PBK: variants seen among roughly 807,000 people sequenced by gnomAD.
PBK encodes lymphokine-activated killer T-cell-originated protein kinase.
A neutral mutation model predicts 33.5 loss-of-function variants in PBK; 22 were observed. The observed-to-expected ratio is 0.66, with a 90% CI of 0.47 to 0.94. The LOEUF (loss-of-function observed/expected upper bound fraction) is 0.94. PBK is among the 40% of genes least tolerant of loss of function. The pLI is 0.00. For synonymous variants in PBK, 129 were observed against 123.8 expected, an observed-to-expected ratio of 1.04 and a Z score of -0.28; for missense variants, 376 against 383.4, an observed-to-expected ratio of 0.98 and a Z score of 0.16.
chr8:27,833,140 T>G lies in PBK; in HGVS notation c.-20-7A>C, dbSNP rs372769127. On this transcript the variant is annotated splice_polypyrimidine_tract_variant and splice_region_variant and intron_variant, in intron 1 of 7. Coordinates refer to ENST00000301905, the MANE Select transcript of PBK (RefSeq NM_018492.4). ...GTGAAAGCCACTCTCAGTCCTACGA[T>G]GAAAACAAATTGCAAGTTACACAGC... 3.8e-5 allele frequency: 55 copies of G among 1,465,698 alleles called. No homozygotes were observed. In the African/African-American group the frequency reaches 6.4e-4, roughly 17 times the overall value. The allele number at this position is 1,465,698 out of a possible 1,614,324, so 90.8% of individuals were successfully genotyped here. A position where few individuals can be genotyped will look rare whatever the true frequency, so the allele number is the denominator to read the frequency against.
At position 27,833,093 on chromosome 8, in the gene PBK, G is replaced by C. The variant is rs1262932294; in HGVS notation, c.21C>G (p.Phe7Leu). MEGISN[F>L]KTPSKLSEKK... Reference sequence around the variant, plus strand: ...TTTCTGATAATTTGCTTGGTGTCTTGAAATTACTGATCCCTTCCATTGTGA... The same window carrying C: ...TTTCTGATAATTTGCTTGGTGTCTTCAAATTACTGATCCCTTCCATTGTGA... Residue 7 changes from phenylalanine (F) to leucine (L), a missense_variant, in exon 2 of 8, where the codon TTC (phenylalanine) becomes TTG (leucine). Transcript: ENST00000301905. 1.9e-6 allele frequency: 3 copies of C among 1,598,690 alleles called. No homozygotes were observed. Among genetic ancestry groups the C allele is most frequent in the Non-Finnish European group, 1.7e-6 (2 of 1,172,734 alleles).
intron 4 of PBK, 71 bp from the exon 5 acceptor site, chr8:27,822,559 G>GTGAT: frequency 2.0e-6 from 2 of 1,022,132 alleles, no homozygotes; most frequent in Non-Finnish European, 2.8e-6. Flanking sequence ...TTATAGTAAC[G>GTGAT]TGATTGAAAA....
At chr8:27,827,054 A>G (rs1806039863) in intron 3 of PBK, among the ~76,000 whole-genome samples, 1 of 152,224 alleles carries the variant, frequency 6.6e-6, no homozygotes, top group Admixed American at 6.5e-5. Flanking sequence ...TACCCATTGT[A>G]TATAATTACT....
chr8:27,832,196 TGA>T (rs1347310154), intron 2 of PBK, among the ~76,000 whole-genome samples: 1 of 152,066 alleles, frequency 6.6e-6, no homozygotes, highest in Non-Finnish European at 1.5e-5. Flanking sequence ...TTTACCACAT[TGA>T]GAGATTTTAA....
chr8:27,835,523 T>C (rs1203251048), intron 1 of PBK, among the ~76,000 whole-genome samples: 1 of 152,046 alleles, frequency 6.6e-6, no homozygotes, highest in African/African-American at 2.4e-5. Context: ...CATGGGATGC[T>C]GTGATGTGGC....
intron 5 of PBK, among the ~76,000 whole-genome samples, chr8:27,821,136 T>C (rs1437524153): frequency 6.6e-6 from 1 of 151,938 alleles, no homozygotes. Context: ...CATTTCAAAG[T>C]ATTTGAAACA....
At position 27,823,563 on chromosome 8, in the gene PBK, G is replaced by C. The variant is rs550132613; in HGVS notation, c.153-358C>G. 9.9e-5 allele frequency among the ~76,000 whole-genome samples: 15 copies of C among 152,016 alleles called. No homozygotes were observed. In the South Asian group the frequency reaches 2.9e-3, roughly 29 times the overall value. ...ATTTAATTATATGTATCAGAGATGA[G>C]TTATAGGATCCTGAAGAAAAAAACA... is the stretch of plus-strand genomic sequence containing the variant. On this transcript the variant is annotated intron_variant, in intron 3 of 7. Transcript: ENST00000301905.
chr8:27,810,588 A>G, intron 7 of PBK, 87 bp from the exon 8 acceptor site: 1 of 724,250 alleles, frequency 1.4e-6, no homozygotes, highest in Admixed American at 2.6e-5. Context: ...CTGAAACAAG[A>G]ATTTATGGTC....
chr8:27,827,206 G>A (rs180979523), intron 3 of PBK, among the ~76,000 whole-genome samples: 7 of 152,290 alleles, frequency 4.6e-5, no homozygotes, highest in South Asian at 2.1e-4. Context: ...TGATGTAGTT[G>A]TTTGCCACTT....
intron 6 of PBK, 72 bp downstream of exon 6, chr8:27,820,493 G>T: frequency 1.1e-6 from 1 of 873,994 alleles, no homozygotes; most frequent in Non-Finnish European, 1.8e-6. Context: ...TTTGATCCAT[G>T]TGGACTTACG....
intron 3 of PBK, among the ~76,000 whole-genome samples, chr8:27,826,592 C>T (rs1426843005): frequency 1.8e-5 from 2 of 108,830 alleles, no homozygotes; most frequent in Admixed American, 8.6e-5. Flanking sequence ...GTCAGGAGAT[C>T]GAGACCATCC....
At chr8:27,832,696 G>A (rs28571229) in intron 2 of PBK, among the ~76,000 whole-genome samples, 19,792 of 152,098 alleles carry the variant, frequency 0.13, 1,510 homozygotes, top group East Asian at 0.34. Flanking sequence ...TGGATATCTA[G>A]GTGTTTGTTG....
intron 6 of PBK, among the ~76,000 whole-genome samples, chr8:27,813,784 T>A (rs933901210): frequency 8.5e-5 from 13 of 152,208 alleles, no homozygotes; most frequent in Admixed American, 6.5e-4. Context: ...TTACAACTTT[T>A]CCTTCCTGGA....
intron 6 of PBK, among the ~76,000 whole-genome samples, chr8:27,815,269 T>C (rs1805787950): frequency 6.6e-6 from 1 of 152,216 alleles, no homozygotes; most frequent in Non-Finnish European, 1.5e-5. Context: ...CACTCATTTA[T>C]TCCGTTAACA....
intron 6 of PBK, among the ~76,000 whole-genome samples, chr8:27,819,311 A>G (rs935532583): frequency 3.0e-5 from 4 of 135,034 alleles, no homozygotes; most frequent in Admixed American, 1.6e-4. Context: ...ATTTTTTTCA[A>G]TTTCAGTTGA....
chr8:27,831,226 G>A (rs535276800), intron 2 of PBK, among the ~76,000 whole-genome samples: 106 of 152,080 alleles, frequency 7.0e-4, no homozygotes, highest in African/African-American at 2.5e-3. Context: ...GGTGGTGCAC[G>A]CCTGTAATCC....
chr8:27,834,696 C>T (rs1806194640), intron 1 of PBK, among the ~76,000 whole-genome samples: 1 of 152,182 alleles, frequency 6.6e-6, no homozygotes, highest in South Asian at 2.1e-4. Context: ...GAGTTCAAGA[C>T]CAGCCTGGCC....
chr8:27,810,857 A>G (rs1238780654), intron 7 of PBK, 101 bp downstream of exon 7: 1 of 769,606 alleles, frequency 1.3e-6, no homozygotes, highest in Non-Finnish European at 2.1e-6. Context: ...GTGGTACCAA[A>G]TCAGTCATCA....
At position 27,822,344 on chromosome 8, in the gene PBK, G is replaced by T. The variant is rs763438217; in HGVS notation, c.440C>A (p.Ala147Asp). 3.1e-6 allele frequency: 5 copies of T among 1,612,250 alleles called. No homozygotes were observed. The highest frequency in any genetic ancestry group is 4.2e-6 in the Non-Finnish European group (5 of 1,179,220). ...CTTTAACCCTCTTGCCATATTCAAA[G>T]CAACTTTTAAAATTATGGCTGCTGG... ...PFPAAIILKV[A>D]LNMARGLKYL... Residue 147 changes from alanine to aspartate, a missense_variant, in exon 5 of 8, where the codon GCT becomes GAT. Physicochemically the swap from Ala to Asp is moderately radical, Grantham distance 126. Transcript: ENST00000301905.
Sources: allele counts gnomAD v4.1 joint callset (sites outside exome capture counted in the v4.1 genomes callset), GRCh38; gene constraint gnomAD v4.1.1; transcripts MANE v1.5; gene names NCBI Gene and HGNC (gene_info 2026-07-23, HGNC 2026-07-21).